Variants in CABIN1 observed in about 807,000 individuals in gnomAD.
The protein encoded by CABIN1 is calcineurin binding protein 1.
CABIN1 carries 133 observed loss-of-function variants against 227.7 expected under a neutral mutation model. That is an observed-to-expected ratio of 0.58 (90% CI 0.51 to 0.67). CABIN1 has a LOEUF of 0.67. Ranked by LOEUF, CABIN1 falls within the 30% of genes least tolerant of loss-of-function variation. The pLI is 0.00. For missense variants in CABIN1, 2,408 were observed against 2,852.5 expected (o/e 0.84, Z 3.55); for synonymous variants, 1,086 against 1,155.1 (o/e 0.94, Z 1.21).
intron 23 of CABIN1, among the ~76,000 whole-genome samples, chr22:24,091,223 G>T (rs995988401): frequency 6.6e-6 from 1 of 152,216 alleles, no homozygotes. Context: ...CCTCTTCAGT[G>T]CCGTAGGGCT....
At chr22:24,099,882 A>G (rs2042105083) in intron 26 of CABIN1, among the ~76,000 whole-genome samples, 1 of 152,176 alleles carries the variant, frequency 6.6e-6, no homozygotes, top group Non-Finnish European at 1.5e-5. Flanking sequence ...TCAGCCCATT[A>G]GGGTTGAGTA....
chr22:24,128,436 G>C (rs1010394421), intron 28 of CABIN1, among the ~76,000 whole-genome samples: 1 of 152,106 alleles, frequency 6.6e-6, no homozygotes, highest in Non-Finnish European at 1.5e-5. Flanking sequence ...TCTAGCTATG[G>C]GGATATTCAT....
In CABIN1 at chr22:24,050,956, A is replaced by G; in HGVS notation, c.788A>G (p.Gln263Arg). The G allele has an allele frequency of 6.2e-7, 1 of 1,614,224 alleles. No homozygotes were observed. The highest frequency in any genetic ancestry group is 8.5e-7 in the Non-Finnish European group (1 of 1,180,050). ...AAGGAGCCGGACCTGAAACTTGTGC[A>G]GCCCATTCCTTTCTTCACGTAGGTT... Reference protein sequence around the residue: ...REKEPDLKLVQPIPFFTWKCL... With the variant: ...REKEPDLKLVRPIPFFTWKCL... Residue 263 changes from glutamine to arginine, a missense_variant, in exon 8 of 37, where the codon CAG (glutamine) becomes CGG (arginine). By Grantham distance (43) the Gln-to-Arg change is conservative. Transcript: ENST00000263119.
chr22:24,124,217 A>C (rs1400922921), intron 28 of CABIN1, among the ~76,000 whole-genome samples: 1 of 152,198 alleles, frequency 6.6e-6, no homozygotes, highest in Non-Finnish European at 1.5e-5. Flanking sequence ...TGTGTTAATG[A>C]GGTGAGGGAT....
rs1313092796 is a variant in CABIN1, at chr22:24,178,458, C to G, written c.*262C>G. The G allele has an allele frequency of 5.8e-6, 3 of 519,260 alleles. No homozygotes were observed. The highest frequency in any genetic ancestry group is 1.1e-5 in the Non-Finnish European group (3 of 284,972). The allele number at this position is 519,260 out of a possible 1,614,324, so 32.2% of individuals were successfully genotyped here. On this transcript the variant is annotated 3_prime_UTR_variant, in exon 37 of 37. Coordinates refer to ENST00000263119, the MANE Select transcript of CABIN1 (RefSeq NM_012295.4). ...CGCCATCTGCACGCCAGGCGGCATC[C>G]TTTTCTATGAAGTGTTGACTTTGTA...
intron 28 of CABIN1, among the ~76,000 whole-genome samples, chr22:24,125,076 A>G (rs1288381786): frequency 1.3e-5 from 2 of 152,252 alleles, no homozygotes; most frequent in Non-Finnish European, 2.9e-5. Context: ...GCCAGTCACA[A>G]AAGACAAATA....
At chr22:24,048,781 T>C (rs2038094402) in intron 6 of CABIN1, among the ~76,000 whole-genome samples, 1 of 152,184 alleles carries the variant, frequency 6.6e-6, no homozygotes, top group Admixed American at 6.5e-5. Context: ...TGAGCCCTGT[T>C]GGATTTTTGC....
chr22:24,030,262 G>A (rs577583382), intron 1 of CABIN1, among the ~76,000 whole-genome samples: 9 of 152,324 alleles, frequency 5.9e-5, no homozygotes, highest in Admixed American at 3.3e-4. Flanking sequence ...GCAGGCAGGA[G>A]ACTCTTTGCT....
intron 19 of CABIN1, among the ~76,000 whole-genome samples, chr22:24,076,628 A>G (rs2040462892): frequency 1.3e-5 from 2 of 152,162 alleles, no homozygotes; most frequent in Non-Finnish European, 2.9e-5. Context: ...CAGGAGTAAT[A>G]ACCACATGCA....
intron 26 of CABIN1, 121 bp downstream of exon 26, chr22:24,098,313 C>T (rs948579769): frequency 8.0e-5 from 125 of 1,571,572 alleles, no homozygotes; most frequent in Non-Finnish European, 9.7e-5. Flanking sequence ...TGGGGTGACA[C>T]GGGCAATGTT....
rs764485318 is a variant in CABIN1, at chr22:24,119,451, C to A, written c.4385C>A (p.Ala1462Asp). The stretch of plus-strand genomic sequence containing the variant: ...CAGAAGCCTGCTGCAGAAACCCCAG[C>A]CTCTGCTTGCATCCCTGGCAAGCCC... ...GVQKPAAETP[A>D]SACIPGKPSA... is the part of the protein sequence containing the mutation. Residue 1462 changes from alanine (A) to aspartate (D), a missense_variant, in exon 28 of 37, where the codon GCC (alanine) becomes GAC (aspartate). Ala to Asp is a moderately radical substitution (Grantham distance 126, BLOSUM62 -2). This residue lies in a region of CABIN1 where 649 missense variants were observed against 910.3 expected (regional missense o/e 0.71). Transcript: ENST00000263119. The A allele has an allele frequency of 6.8e-6, 11 of 1,614,132 alleles. No individual in the cohort carries two copies. The highest frequency in any genetic ancestry group is 9.3e-6 in the Non-Finnish European group (11 of 1,180,006).
In CABIN1 at chr22:24,072,415, T is replaced by C; in HGVS notation, c.2537T>C (p.Leu846Pro). ...EAKEPHVSSVLPWIILHRIIW... is the reference protein window; with the variant it reads ...EAKEPHVSSVPPWIILHRIIW... The stretch of plus-strand genomic sequence containing the variant: ...AAGGAGCCCCACGTCTCTTCAGTGC[T>C]ACCCTGGATCATTCTACACCGGATC... The change falls in exon 18 of 37, where the codon CTA (leucine) becomes CCA (proline). Residue 846 changes from leucine to proline, a missense_variant. Coordinates refer to ENST00000263119, the MANE Select transcript of CABIN1 (RefSeq NM_012295.4). 1 of 1,614,174 alleles carries C rather than the reference T, an allele frequency of 6.2e-7. No individual in the cohort carries two copies. The highest frequency in any genetic ancestry group is 8.5e-7 in the Non-Finnish European group (1 of 1,180,004).
intron 4 of CABIN1, among the ~76,000 whole-genome samples, chr22:24,040,818 G>T (rs1440422870): frequency 6.6e-6 from 1 of 152,160 alleles, no homozygotes; most frequent in Non-Finnish European, 1.5e-5. Flanking sequence ...CTGCTGACTG[G>T]GTCTACCTAT....
At chr22:24,150,854 T>C (rs2045437458) in intron 29 of CABIN1, among the ~76,000 whole-genome samples, 2 of 152,210 alleles carry the variant, frequency 1.3e-5, no homozygotes, top group Non-Finnish European at 2.9e-5. Flanking sequence ...TCCTGGCAGA[T>C]GGACCCTGTC....
chr22:24,104,115 C>G (rs1051908665), intron 26 of CABIN1, among the ~76,000 whole-genome samples: 2 of 152,120 alleles, frequency 1.3e-5, no homozygotes, highest in East Asian at 3.9e-4. Context: ...GAGGGTTGGG[C>G]TCTTTCCTGT....
chr22:24,111,365 A>G (rs2042798689), intron 26 of CABIN1, among the ~76,000 whole-genome samples: 1 of 152,208 alleles, frequency 6.6e-6, no homozygotes, highest in African/African-American at 2.4e-5. Flanking sequence ...GGTGAGCAGC[A>G]GGCAGGCGAG....
intron 30 of CABIN1, 85 bp downstream of exon 30, chr22:24,164,648 G>A (rs1304785914): frequency 1.4e-6 from 2 of 1,471,890 alleles, no homozygotes; most frequent in Middle Eastern, 2.3e-4. Flanking sequence ...CACTGCTCTG[G>A]CCCAGCTGTG....
intron 22 of CABIN1, among the ~76,000 whole-genome samples, chr22:24,086,220 G>A (rs1360291759): frequency 3.9e-5 from 6 of 152,252 alleles, no homozygotes; most frequent in African/African-American, 1.4e-4. Flanking sequence ...CTGGCTGAGT[G>A]CTTACTGCGC....
At chr22:24,117,984 T>C (rs568590364) in intron 27 of CABIN1, among the ~76,000 whole-genome samples, 2 of 152,344 alleles carry the variant, frequency 1.3e-5, no homozygotes, top group East Asian at 3.9e-4. Context: ...AGGCAACTTC[T>C]TGAGCTCACA....
Sources: allele counts gnomAD v4.1 joint callset (sites outside exome capture counted in the v4.1 genomes callset), GRCh38; gene constraint gnomAD v4.1.1; regional missense constraint gnomAD v4.1.1; transcripts MANE v1.5; gene names NCBI Gene and HGNC (gene_info 2026-07-23, HGNC 2026-07-21).